Variants in FAM168B observed in about 807,000 individuals in gnomAD.
The protein encoded by FAM168B is myelin-associated neurite-outgrowth inhibitor.
Under a neutral mutation model 21.8 loss-of-function variants are expected in FAM168B, and 19 were observed. That is an observed-to-expected ratio of 0.87 (90% CI 0.61 to 1.28). FAM168B has a LOEUF of 1.28. Ranked by LOEUF, FAM168B falls within the 50% of genes most tolerant of loss-of-function variation. The pLI is 0.00. For missense variants in FAM168B, 233 were observed against 263.1 expected (o/e 0.89, Z 0.79); for synonymous variants, 126 against 104.8 (o/e 1.20, Z -1.24).
At position 131,048,624 on chromosome 2, in the gene FAM168B, GA is replaced by G; in HGVS notation, c.*3840del. ...TGTTACTTGGTCAGTTGAGCCCCTG[GA>G]GCCCTCAGGACCTACTGATAAAGCA... On this transcript the variant is annotated 3_prime_UTR_variant, in exon 7 of 7. Transcript: ENST00000389915. The G allele has an allele frequency of 9.3e-7, 1 of 1,077,478 alleles. No individual in the cohort carries two copies. Among genetic ancestry groups the G allele is most frequent in the Non-Finnish European group, 1.1e-6 (1 of 882,184 alleles). The allele number at this position is 1,077,478 out of a possible 1,614,324, so 66.7% of individuals were successfully genotyped here.
At chr2:131,075,209 G>A (rs1245122083) in intron 2 of FAM168B, among the ~76,000 whole-genome samples, 1 of 151,130 alleles carries the variant, frequency 6.6e-6, no homozygotes, top group Non-Finnish European at 1.5e-5. Context: ...GACCAAGAAA[G>A]GTCTGGAACT....
intron 3 of FAM168B, among the ~76,000 whole-genome samples, chr2:131,060,631 A>C (rs939811454): frequency 1.3e-5 from 2 of 152,206 alleles, no homozygotes; most frequent in African/African-American, 4.8e-5. Context: ...TGCTGTTTCT[A>C]AGTGTGGACA....
rs1007184243 is a variant in FAM168B at position 131,052,025 on chromosome 2, A to C, written c.*440T>G. 2.0e-6 allele frequency: 2 copies of C among 985,544 alleles called. No individual in the cohort carries two copies. Among genetic ancestry groups the C allele is most frequent in the Admixed American group, 1.2e-4 (2 of 16,268 alleles). The allele number at this position is 985,544 out of a possible 1,614,324, so 61.0% of individuals were successfully genotyped here. A position where few individuals can be genotyped will look rare whatever the true frequency, so the allele number is the denominator to read the frequency against. On this transcript the variant is annotated 3_prime_UTR_variant, in exon 7 of 7. Transcript: ENST00000389915. ...GAAGAAATTCACTTTAACACTTATA[A>C]CTGTAAGACTTTGCATACATTACAA...
chr2:131,076,311 C>A (rs2105543631), intron 2 of FAM168B, among the ~76,000 whole-genome samples: 1 of 152,248 alleles, frequency 6.6e-6, no homozygotes. Context: ...GCTGGAAAGG[C>A]CAGACTCCCT....
At chr2:131,074,729 G>A (rs1046291986) in intron 2 of FAM168B, among the ~76,000 whole-genome samples, 5 of 152,154 alleles carry the variant, frequency 3.3e-5, no homozygotes, top group African/African-American at 1.2e-4. Flanking sequence ...TAAAAACAGG[G>A]GGGATCTGAG....
intron 1 of FAM168B, among the ~76,000 whole-genome samples, chr2:131,092,168 T>C (rs1425213634): frequency 6.7e-6 from 1 of 150,050 alleles, no homozygotes; most frequent in African/African-American, 2.4e-5. Context: ...AAGTGCTCAA[T>C]TGATCCAGGA....
In FAM168B at chr2:131,052,081, C is replaced by T. The variant is rs1691712748; in HGVS notation, c.*384G>A. 2.0e-6 allele frequency: 2 copies of T among 985,650 alleles called. No homozygotes were observed. The highest frequency in any genetic ancestry group is 6.1e-5 in the Admixed American group (1 of 16,262). The allele number at this position is 985,650 out of a possible 1,614,324, so 61.1% of individuals were successfully genotyped here. A position where few individuals can be genotyped will look rare whatever the true frequency, so the allele number is the denominator to read the frequency against. ...CATTAGTGATACAAGTTGTAAAATACGTTTCCATTCCTTTGGATTTTGCAT... is the reference window on the plus strand; with the variant it reads ...CATTAGTGATACAAGTTGTAAAATATGTTTCCATTCCTTTGGATTTTGCAT... On this transcript the variant is annotated 3_prime_UTR_variant, in exon 7 of 7. Coordinates refer to ENST00000389915, the MANE Select transcript of FAM168B (RefSeq NM_001009993.4).
At chr2:131,069,442 C>T (rs568161007) in intron 3 of FAM168B, among the ~76,000 whole-genome samples, 5 of 151,286 alleles carry the variant, frequency 3.3e-5, no homozygotes, top group African/African-American at 1.2e-4. Context: ...AAAACTTCTA[C>T]AAGAAAAAAG....
intron 3 of FAM168B, among the ~76,000 whole-genome samples, chr2:131,060,997 G>A (rs560778823): frequency 4.0e-5 from 6 of 150,976 alleles, no homozygotes; most frequent in East Asian, 2.0e-4. Context: ...GACTACAGGC[G>A]CCCACCACCA....
At chr2:131,071,013 C>T (rs923471566) in intron 3 of FAM168B, among the ~76,000 whole-genome samples, 11 of 152,024 alleles carry the variant, frequency 7.2e-5, no homozygotes, top group East Asian at 3.9e-4. Flanking sequence ...GTGTGAACTA[C>T]GGTCTGAACA....
At chr2:131,075,405 G>A (rs1008983697) in intron 2 of FAM168B, among the ~76,000 whole-genome samples, 5 of 152,040 alleles carry the variant, frequency 3.3e-5, no homozygotes, top group Admixed American at 2.6e-4. Context: ...ATGGGAAGAG[G>A]GCTGCTCTGG....
Position 131,055,254 on chromosome 2 carries a change from G to T in FAM168B, c.475+18C>A, listed in dbSNP as rs200775848. The T allele has an allele frequency of 6.5e-7, 1 of 1,527,230 alleles. No homozygotes were observed. The highest frequency in any genetic ancestry group is 8.7e-7 in the Non-Finnish European group (1 of 1,143,134). 94.6% of individuals were successfully genotyped at this position (1,527,230 alleles called of 1,614,324 possible). On this transcript the variant is annotated intron_variant, in intron 5 of 6. Coordinates refer to ENST00000389915, the MANE Select transcript of FAM168B (RefSeq NM_001009993.4). ...TAGGGTACACCATAGGACAGACACC[G>T]CAGGAACGAGGACTTACCTGCTGAC... is the stretch of plus-strand genomic sequence containing the variant.
intron 1 of FAM168B, among the ~76,000 whole-genome samples, chr2:131,085,780 G>A (rs1265525854): frequency 1.3e-5 from 2 of 152,156 alleles, no homozygotes; most frequent in African/African-American, 4.8e-5. Context: ...CTACAGCTAC[G>A]TGATAGGTCT....
intron 1 of FAM168B, among the ~76,000 whole-genome samples, chr2:131,090,749 G>A (rs1693976677): frequency 6.6e-6 from 1 of 152,090 alleles, no homozygotes; most frequent in African/African-American, 2.4e-5. Context: ...TTTTGTTTGA[G>A]ATGGAGTCTC....
chr2:131,080,250 C>T (rs1693368250), intron 2 of FAM168B, among the ~76,000 whole-genome samples: 1 of 150,334 alleles, frequency 6.7e-6, no homozygotes, highest in African/African-American at 2.4e-5. Flanking sequence ...CTGTTGATTG[C>T]ACAAAATTAA....
intron 3 of FAM168B, among the ~76,000 whole-genome samples, chr2:131,058,944 A>G (rs1465554642): frequency 1.3e-5 from 2 of 152,206 alleles, no homozygotes; most frequent in Non-Finnish European, 2.9e-5. Flanking sequence ...AAAGAATTAT[A>G]AAGGAAAAGG....
intron 2 of FAM168B, among the ~76,000 whole-genome samples, chr2:131,079,887 TGGGA>T (rs1485039521): frequency 6.6e-6 from 1 of 150,380 alleles, no homozygotes; most frequent in Non-Finnish European, 1.5e-5. Flanking sequence ...GAGGCCGAGG[TGGGA>T]GGATCACCTG....
intron 3 of FAM168B, among the ~76,000 whole-genome samples, chr2:131,058,448 T>C (rs1692134207): frequency 6.6e-6 from 1 of 152,102 alleles, no homozygotes; most frequent in African/African-American, 2.4e-5. Flanking sequence ...GCAAAGCGGG[T>C]GCTCACACCC....
intron 3 of FAM168B, among the ~76,000 whole-genome samples, chr2:131,060,250 T>G (rs914715943): frequency 6.6e-6 from 1 of 152,100 alleles, no homozygotes; most frequent in Non-Finnish European, 1.5e-5. Flanking sequence ...GGTGTCGAAC[T>G]CCCAACCTCG....
Sources: gnomAD v4.1 joint callset for allele counts (sites outside exome capture counted in the v4.1 genomes callset) on GRCh38, gnomAD v4.1.1 for gene constraint, MANE v1.5 for transcripts, NCBI Gene and HGNC (gene_info 2026-07-23, HGNC 2026-07-21) for gene names.